CDH12: variants seen among roughly 807,000 people sequenced by gnomAD.
The protein encoded by CDH12 is cadherin-12.
In CDH12, 41 loss-of-function variants were observed where a neutral mutation model predicts 74.1. The ratio of observed to expected loss-of-function variants is 0.55; its 90% CI spans 0.43 to 0.72. The LOEUF (loss-of-function observed/expected upper bound fraction) is 0.72. Among genes scored for constraint, CDH12 ranks in the 30% least tolerant of loss-of-function variants. The probability of loss-of-function intolerance (pLI) is 0.00; values close to 1 mark genes in which losing one functional copy is unlikely to be tolerated. For synonymous variants in CDH12, 399 were observed against 355.0 expected (o/e 1.12, Z -1.39); for missense variants, 945 against 977.2 (o/e 0.97, Z 0.44).
chr5:22,097,009 C>T (rs1177513146), intron 4 of CDH12, among the ~76,000 whole-genome samples: 2 of 152,120 alleles, frequency 1.3e-5, no homozygotes, highest in Non-Finnish European at 2.9e-5. Flanking sequence ...TCCTTGCCTC[C>T]ACTGTGAGAC....
At chr5:22,035,713 T>TACACACACACACAC (rs149918147) in intron 5 of CDH12, among the ~76,000 whole-genome samples, 15 of 143,350 alleles carry the variant, frequency 1.0e-4, no homozygotes, top group African/African-American at 3.3e-4. Context: ...ACTTCACACA[T>TACACACACACACAC]ACACACACAC....
At chr5:22,358,079 C>T (rs1464627043) in intron 3 of CDH12, among the ~76,000 whole-genome samples, 1 of 152,122 alleles carries the variant, frequency 6.6e-6, no homozygotes, top group Non-Finnish European at 1.5e-5. Flanking sequence ...TCTGGTGATA[C>T]ATCTACTGCT....
At chr5:22,181,926 C>T (rs1200540527) in intron 4 of CDH12, among the ~76,000 whole-genome samples, 2 of 152,122 alleles carry the variant, frequency 1.3e-5, no homozygotes. Flanking sequence ...TCTCTCCATA[C>T]TCACTACAAT....
At chr5:22,852,454 A>C (rs374779556) in intron 1 of CDH12, among the ~76,000 whole-genome samples, 1 of 152,204 alleles carries the variant, frequency 6.6e-6, no homozygotes. Context: ...AATGCATATT[A>C]TATAACCCAC....
intron 3 of CDH12, among the ~76,000 whole-genome samples, chr5:22,327,513 T>C (rs1739173930): frequency 6.6e-6 from 1 of 151,680 alleles, no homozygotes; most frequent in African/African-American, 2.4e-5. Flanking sequence ...TTATGACAAT[T>C]GCATTTTGGC....
intron 6 of CDH12, among the ~76,000 whole-genome samples, chr5:21,908,395 C>T (rs987037955): frequency 4.6e-5 from 7 of 152,168 alleles, no homozygotes; most frequent in African/African-American, 1.7e-4. Flanking sequence ...AAACTGGGCT[C>T]TTTTGCGGAG....
At chr5:21,771,492 T>C (rs1244191864) in intron 11 of CDH12, among the ~76,000 whole-genome samples, 1 of 152,172 alleles carries the variant, frequency 6.6e-6, no homozygotes, top group Admixed American at 6.6e-5. Flanking sequence ...TGTGATTCCA[T>C]AAAGGTGGAT....
intron 3 of CDH12, among the ~76,000 whole-genome samples, chr5:22,236,528 T>A (rs1015858806): frequency 6.6e-6 from 1 of 151,576 alleles, no homozygotes; most frequent in African/African-American, 2.4e-5. Flanking sequence ...AGGTCAGGAG[T>A]TTAAGACCAG....
At chr5:22,713,226 C>T (rs563586) in intron 1 of CDH12, among the ~76,000 whole-genome samples, 44,120 of 146,650 alleles carry the variant, frequency 0.3, 6,787 homozygotes, top group Middle Eastern at 0.35. Context: ...CTGCAACCTA[C>T]GCCTCCCAGG....
At chr5:22,295,855 C>T (rs372783615) in intron 3 of CDH12, among the ~76,000 whole-genome samples, 2 of 151,804 alleles carry the variant, frequency 1.3e-5, no homozygotes, top group African/African-American at 4.8e-5. Context: ...TACTAGCAAG[C>T]CAATACTGGA....
chr5:22,497,583 A>C (rs1460118118), intron 2 of CDH12, among the ~76,000 whole-genome samples: 1 of 151,436 alleles, frequency 6.6e-6, no homozygotes, highest in Non-Finnish European at 1.5e-5. Flanking sequence ...CTCTGAAAAG[A>C]TAAAACCATC....
chr5:22,840,408 C>T (rs1338043447), intron 1 of CDH12, among the ~76,000 whole-genome samples: 1 of 152,124 alleles, frequency 6.6e-6, no homozygotes, highest in Non-Finnish European at 1.5e-5. Context: ...AGGCATGAAA[C>T]GAATGCATGC....
At chr5:22,442,816 A>C (rs1744678634) in intron 2 of CDH12, among the ~76,000 whole-genome samples, 1 of 152,162 alleles carries the variant, frequency 6.6e-6, no homozygotes, top group Non-Finnish European at 1.5e-5. Context: ...TCAACGTTCC[A>C]TCCAAGGTTT....
intron 12 of CDH12, among the ~76,000 whole-genome samples, chr5:21,764,103 G>A (rs1159892024): frequency 2.0e-5 from 3 of 152,104 alleles, no homozygotes; most frequent in African/African-American, 7.2e-5. Flanking sequence ...GGCTGGGTGC[G>A]GTGGCTCATG....
At chr5:22,111,032 C>T (rs899283114) in intron 4 of CDH12, among the ~76,000 whole-genome samples, 3 of 152,158 alleles carry the variant, frequency 2.0e-5, no homozygotes, top group Non-Finnish European at 4.4e-5. Flanking sequence ...ATATTCTTAA[C>T]TCCTTGAGTG....
intron 3 of CDH12, among the ~76,000 whole-genome samples, chr5:22,288,492 G>C (rs1737251769): frequency 6.6e-6 from 1 of 152,152 alleles, no homozygotes; most frequent in Non-Finnish European, 1.5e-5. Context: ...ATGTGTGCAT[G>C]TCCGTATCTG....
At chr5:22,529,188 T>TAGAGAG (rs374921601) in intron 1 of CDH12, among the ~76,000 whole-genome samples, 35 of 84,508 alleles carry the variant, frequency 4.1e-4, no homozygotes, top group South Asian at 2.1e-3. Flanking sequence ...TATATATATA[T>TAGAGAG]AGAGAGAGAG....
chr5:22,787,324 T>C (rs1210441386), intron 1 of CDH12, among the ~76,000 whole-genome samples: 1 of 152,204 alleles, frequency 6.6e-6, no homozygotes, highest in Non-Finnish European at 1.5e-5. Context: ...GGCACACTTG[T>C]ATCCCACTAT....
At chr5:21,930,617 T>C (rs1754791069) in intron 6 of CDH12, among the ~76,000 whole-genome samples, 1 of 152,170 alleles carries the variant, frequency 6.6e-6, no homozygotes. Context: ...GTGATTTTTA[T>C]TAGAATATTA....
Sources: gnomAD v4.1 joint callset for allele counts (sites outside exome capture counted in the v4.1 genomes callset) on GRCh38, gnomAD v4.1.1 for gene constraint, MANE v1.5 for transcripts, NCBI Gene and HGNC (gene_info 2026-07-23, HGNC 2026-07-21) for gene names.